SUGCT: variants seen among roughly 807,000 people sequenced by gnomAD.
SUGCT encodes succinyl-CoA:glutarate CoA-transferase.
SUGCT carries 41 observed loss-of-function variants against 55.0 expected under a neutral mutation model. That is an observed-to-expected ratio of 0.74 (90% CI 0.58 to 0.97). The LOEUF is 0.97. SUGCT is among the 50% of genes least tolerant of loss of function. The probability of loss-of-function intolerance (pLI) is 0.00; values close to 1 mark genes in which losing one functional copy is unlikely to be tolerated. For synonymous variants in SUGCT, 187 were observed against 200.4 expected, an observed-to-expected ratio of 0.93 and a Z score of 0.56; for missense variants, 568 against 547.8, an observed-to-expected ratio of 1.04 and a Z score of -0.37.
At chr7:40,969,205 T>C in the SUGCT span, among the ~76,000 whole-genome samples, 1 of 152,252 alleles carries the variant, frequency 6.6e-6, no homozygotes, top group African/African-American at 2.4e-5. Context: ...AGTCCTCATG[T>C]TACATGGTCT....
At chr7:40,265,870 G>A (rs934808487) in intron 7 of SUGCT, among the ~76,000 whole-genome samples, 1 of 152,122 alleles carries the variant, frequency 6.6e-6, no homozygotes, top group African/African-American at 2.4e-5. Flanking sequence ...AGAATCGCTT[G>A]AACCTAGGAG....
At chr7:40,884,769 G>A in the SUGCT span, among the ~76,000 whole-genome samples, 1 of 152,198 alleles carries the variant, frequency 6.6e-6, no homozygotes, top group Non-Finnish European at 1.5e-5. Flanking sequence ...GAGTCACAAA[G>A]TATGAATGAG....
the SUGCT span, among the ~76,000 whole-genome samples, chr7:40,901,229 C>A: frequency 6.6e-5 from 10 of 152,188 alleles, no homozygotes; most frequent in Non-Finnish European, 8.8e-5. Context: ...TGACCAATAT[C>A]TGGGGACATA....
At chr7:40,840,756 A>G (rs967647807) in intron 13 of SUGCT, among the ~76,000 whole-genome samples, 4 of 130,982 alleles carry the variant, frequency 3.1e-5, no homozygotes, top group African/African-American at 1.2e-4. Flanking sequence ...GAATCAATGA[A>G]ACAAAAGCTG....
chr7:40,356,226 A>C (rs1797880988), intron 9 of SUGCT, among the ~76,000 whole-genome samples: 1 of 152,246 alleles, frequency 6.6e-6, no homozygotes, highest in African/African-American at 2.4e-5. Context: ...AAACAACATT[A>C]GTTGTCATCG....
At chr7:40,383,265 T>G (rs1331250782) in intron 9 of SUGCT, among the ~76,000 whole-genome samples, 1 of 152,096 alleles carries the variant, frequency 6.6e-6, no homozygotes, top group African/African-American at 2.4e-5. Flanking sequence ...CCTGAGAGAT[T>G]TGCTCTAATT....
the SUGCT span, among the ~76,000 whole-genome samples, chr7:40,886,837 T>G: frequency 3.9e-5 from 6 of 152,188 alleles, no homozygotes; most frequent in Non-Finnish European, 8.8e-5. Flanking sequence ...GTCCGAACTA[T>G]TGGAAGGACA....
chr7:40,587,859 A>C (rs1009856205), intron 12 of SUGCT, among the ~76,000 whole-genome samples: 3 of 151,418 alleles, frequency 2.0e-5, no homozygotes, highest in African/African-American at 7.3e-5. Context: ...TTAAACAGAT[A>C]TATTTATATC....
the SUGCT span, among the ~76,000 whole-genome samples, chr7:41,028,854 C>A: frequency 9.9e-5 from 15 of 152,176 alleles, no homozygotes; most frequent in African/African-American, 3.6e-4. Context: ...AAGCCTGAGT[C>A]TTCACATCTG....
intron 12 of SUGCT, among the ~76,000 whole-genome samples, chr7:40,511,614 A>C (rs1220995168): frequency 6.6e-6 from 1 of 152,216 alleles, no homozygotes; most frequent in Non-Finnish European, 1.5e-5. Context: ...TCACTTTACA[A>C]CTTTTTTGCA....
At chr7:40,642,989 T>C (rs1240226946) in intron 12 of SUGCT, among the ~76,000 whole-genome samples, 1 of 152,108 alleles carries the variant, frequency 6.6e-6, no homozygotes, top group Admixed American at 6.5e-5. Context: ...ATTCAAATTA[T>C]TGTGTTGGAG....
chr7:40,980,234 T>C, the SUGCT span, among the ~76,000 whole-genome samples: 4 of 152,118 alleles, frequency 2.6e-5, no homozygotes, highest in African/African-American at 9.7e-5. Flanking sequence ...GCTCCACACT[T>C]ATTATCTCAT....
At chr7:40,900,111 G>A in the SUGCT span, among the ~76,000 whole-genome samples, 234 of 152,326 alleles carry the variant, frequency 1.5e-3, 1 homozygote, top group African/African-American at 4.9e-3. Flanking sequence ...GGGAAGAGCC[G>A]ATGACCGGCT....
the SUGCT span, among the ~76,000 whole-genome samples, chr7:40,935,155 T>C: frequency 6.6e-6 from 1 of 152,248 alleles, no homozygotes; most frequent in African/African-American, 2.4e-5. Flanking sequence ...AAATTTATGC[T>C]CAAATTGTCT....
At chr7:40,670,169 C>CAAAAAAAAAAAAAAA (rs34786531) in intron 12 of SUGCT, among the ~76,000 whole-genome samples, 20 of 58,224 alleles carry the variant, frequency 3.4e-4, no homozygotes, top group South Asian at 1.8e-3. Context: ...GACTCCATCT[C>CAAAAAAAAAAAAAAA]AAAAAAAAAA....
intron 9 of SUGCT, among the ~76,000 whole-genome samples, chr7:40,413,889 G>A (rs1183974645): frequency 6.6e-6 from 1 of 151,902 alleles, no homozygotes; most frequent in East Asian, 1.9e-4. Flanking sequence ...TTGATAAATG[G>A]GAAGAAAAGA....
chr7:40,182,045 CT>C lies in SUGCT; in HGVS notation c.226+20del. On this transcript the variant is annotated intron_variant, in intron 3 of 13. Transcript: ENST00000335693. Reference sequence around the variant, plus strand: ...AGAGACCAGGTAAAGCTATTACTCCCTTTAAAAAATAGAAACAAGCTAATAA... The same window carrying C: ...AGAGACCAGGTAAAGCTATTACTCCCTTAAAAAATAGAAACAAGCTAATAA... 6.9e-7 allele frequency: 1 copy of C among 1,445,186 alleles called. No individual in the cohort carries two copies. 89.5% of individuals were successfully genotyped at this position (1,445,186 alleles called of 1,614,324 possible). A position where few individuals can be genotyped will look rare whatever the true frequency, so the allele number is the denominator to read the frequency against.
chr7:40,159,105 A>G (rs533563165), intron 1 of SUGCT, among the ~76,000 whole-genome samples: 22 of 152,046 alleles, frequency 1.4e-4, no homozygotes, highest in African/African-American at 4.8e-4. Context: ...TTTTTTATAG[A>G]GACAGGGTTT....
chr7:40,707,603 A>G (rs922913017), intron 12 of SUGCT, among the ~76,000 whole-genome samples: 2 of 152,128 alleles, frequency 1.3e-5, no homozygotes, highest in Non-Finnish European at 2.9e-5. Context: ...TTTGGATATG[A>G]TCCTTAAGGC....
Sources: allele counts gnomAD v4.1 joint callset (sites outside exome capture counted in the v4.1 genomes callset), GRCh38; gene constraint gnomAD v4.1.1; transcripts MANE v1.5; gene names NCBI Gene and HGNC (gene_info 2026-07-23, HGNC 2026-07-21).